The following TAGAP variants were observed in gnomAD, a reference collection of about 807,000 sequenced individuals.
The protein encoded by TAGAP is T-cell activation Rho GTPase-activating protein.
A neutral mutation model predicts 36.0 loss-of-function variants in TAGAP; 16 were observed. That is an observed-to-expected ratio of 0.44 (90% CI 0.30 to 0.68). The LOEUF (loss-of-function observed/expected upper bound fraction) is 0.68, where lower values mean the gene tolerates loss of function less well. Ranked by LOEUF, TAGAP falls within the 30% of genes least tolerant of loss-of-function variation. TAGAP has a pLI of 0.09. For missense variants in TAGAP, 794 were observed against 921.5 expected, an observed-to-expected ratio of 0.86 and a Z score of 1.79; for synonymous variants, 372 against 377.4, an observed-to-expected ratio of 0.99 and a Z score of 0.17.
intron 8 of TAGAP, 138 bp downstream of exon 8, chr6:159,038,976 C>CAA: frequency 6.6e-7 from 1 of 1,516,626 alleles, no homozygotes; most frequent in Non-Finnish European, 8.9e-7. Flanking sequence ...GGAACTATGA[C>CAA]AAAAGCATTT....
intron 8 of TAGAP, chr6:159,038,879 G>A: frequency 7.2e-7 from 1 of 1,387,616 alleles, no homozygotes; most frequent in Non-Finnish European, 9.3e-7. Context: ...AGAGAGTGAT[G>A]TAAATACTCG....
At chr6:159,039,370 C>G (rs1341707205) in intron 7 of TAGAP, 61 bp from the exon 8 acceptor site, 19 of 1,539,532 alleles carry the variant, frequency 1.2e-5, no homozygotes, top group Non-Finnish European at 5.3e-6. Context: ...GTGTAGCAAG[C>G]TGAGAGTTTC....
chr6:159,043,452 G>C, intron 4 of TAGAP, 137 bp downstream of exon 4: 1 of 757,666 alleles, frequency 1.3e-6, no homozygotes, highest in Non-Finnish European at 2.3e-6. Flanking sequence ...GCCATTTAAG[G>C]GTTAATGTTC....
chr6:159,037,814 A>G lies in TAGAP; in HGVS notation c.898+300T>C, dbSNP rs1198601109. The stretch of plus-strand genomic sequence containing the variant: ...ATTGTGATGGAGTCATATCCCATGA[A>G]GTGGAAACAAAAGTTTCTCACTCCA... On this transcript the variant is annotated intron_variant, in intron 9 of 9. Coordinates refer to ENST00000367066, the MANE Select transcript of TAGAP (RefSeq NM_054114.5). This position sits in a 1 kb window ranked among gnomAD's most constrained non-coding sequence, Gnocchi z 5.1. 6.6e-6 allele frequency among the ~76,000 whole-genome samples: 1 copy of G among 152,242 alleles called. No individual in the cohort carries two copies. Among genetic ancestry groups the G allele is most frequent in the Non-Finnish European group, 1.5e-5 (1 of 68,044 alleles).
chr6:159,036,155 A>G lies in TAGAP; in HGVS notation c.1868T>C (p.Met623Thr). 1 of 1,612,748 alleles carries G rather than the reference A, an allele frequency of 6.2e-7. No homozygotes were observed. The highest frequency in any genetic ancestry group is 8.5e-7 in the Non-Finnish European group (1 of 1,179,582). ...QTVGSMTVGS[M>T]RARMLEAHCL... ...GTGCGCCTCCAGCATCCTCGCCCTC[A>G]TGCTCCCCACCGTCATGCTCCCCAC... is the stretch of plus-strand genomic sequence containing the variant. Residue 623 changes from methionine (M) to threonine (T), a missense_variant, in exon 10 of 10, where the codon ATG becomes ACG. Coordinates refer to ENST00000367066, the MANE Select transcript of TAGAP (RefSeq NM_054114.5). The surrounding 1 kb of genome is among the most constrained non-coding windows in gnomAD (Gnocchi z 4.9).
chr6:159,043,492 A>T (rs554042984), intron 4 of TAGAP, 97 bp downstream of exon 4: 1 of 1,156,206 alleles, frequency 8.6e-7, no homozygotes, highest in Admixed American at 1.8e-5. Context: ...ACTTATACAA[A>T]AAAATTCCTA....
In TAGAP at chr6:159,041,936, TG is replaced by T; in HGVS notation, c.315+141del. ...AGATATTCTTCTGACTGCACGCGTA[TG>T]TGGGAGTGCCATGTTGAAGAGTGGA... On this transcript the variant is annotated intron_variant, in intron 5 of 9. Transcript: ENST00000367066. The surrounding 1 kb of genome is among the most constrained non-coding windows in gnomAD (Gnocchi z 4.1). The T allele has an allele frequency of 1.1e-6, 1 of 883,232 alleles. No homozygotes were observed. The highest frequency in any genetic ancestry group is 1.8e-6 in the Non-Finnish European group (1 of 566,348). 54.7% of individuals were successfully genotyped at this position (883,232 alleles called of 1,614,324 possible).
chr6:159,035,780 CA>C lies in TAGAP; in HGVS notation c.*46del. On this transcript the variant is annotated 3_prime_UTR_variant, in exon 10 of 10. Transcript: ENST00000367066. ...TCTACAGGCAGTTCTTTACAAGTCT[CA>C]TATTTACAGATAGCACAAGCTATGG... 2 of 1,528,792 alleles carry C rather than the reference CA, an allele frequency of 1.3e-6. No homozygotes were observed. The highest frequency in any genetic ancestry group is 1.8e-6 in the Non-Finnish European group (2 of 1,131,536). The allele number at this position is 1,528,792 out of a possible 1,614,324, so 94.7% of individuals were successfully genotyped here.
intron 7 of TAGAP, 91 bp downstream of exon 7, chr6:159,040,632 C>G (rs1001690527): frequency 6.6e-6 from 7 of 1,063,408 alleles, no homozygotes; most frequent in Non-Finnish European, 8.7e-6. Context: ...TCTCATGGAA[C>G]AGGGATCATG....
Position 159,038,227 on chromosome 6 carries a change from A to G in TAGAP, c.785T>C (p.Val262Ala), listed in dbSNP as rs1011620196. ...FEAQKDLNNK[V>A]KTLVEFLIDN... ...AATGAGGAATTCCACCAGTGTCTTC[A>G]CCTGTGAGGAAAAGTAAGCAATTTG... Residue 262 changes from valine to alanine, a missense_variant and splice_region_variant, in exon 9 of 10, where the codon GTG becomes GCG. Val to Ala is a moderately conservative substitution (Grantham distance 64). Coordinates refer to ENST00000367066, the MANE Select transcript of TAGAP (RefSeq NM_054114.5). The G allele has an allele frequency of 9.2e-6, 14 of 1,522,762 alleles. No individual in the cohort carries two copies. Among genetic ancestry groups the G allele is most frequent in the Non-Finnish European group, 1.3e-5 (14 of 1,105,710 alleles). The allele number at this position is 1,522,762 out of a possible 1,614,324, so 94.3% of individuals were successfully genotyped here. A position where few individuals can be genotyped will look rare whatever the true frequency, so the allele number is the denominator to read the frequency against.
chr6:159,042,878 A>G (rs1353108175), intron 4 of TAGAP: 1 of 152,594 alleles, frequency 6.6e-6, no homozygotes, highest in Non-Finnish European at 1.5e-5. Context: ...CCTTGAACCT[A>G]GATCTGGCAA....
At chr6:159,040,275 G>T (rs762330895) in intron 7 of TAGAP, among the ~76,000 whole-genome samples, 1 of 152,108 alleles carries the variant, frequency 6.6e-6, no homozygotes, top group Non-Finnish European at 1.5e-5. Flanking sequence ...CAAAACAACT[G>T]CCCCCCACCA....
At position 159,044,120 on chromosome 6, in the gene TAGAP, A is replaced by T; in HGVS notation, c.27T>A (p.Ala9=). The change falls in exon 2 of 10, where the codon GCT becomes GCA. Residue 9 remains alanine (A), a splice_region_variant and synonymous_variant. Transcript: ENST00000367066. ...GAATGAATGTGAGAGGGGCACTCAC[A>T]GCATTGTGGCTGCTTCTCAGCTTCA... The part of the protein sequence containing the change: MKLRSSHN[A]SKTLNANNME... 6.2e-7 allele frequency: 1 copy of T among 1,613,974 alleles called. No homozygotes were observed. The highest frequency in any genetic ancestry group is 8.5e-7 in the Non-Finnish European group (1 of 1,179,994).
chr6:159,036,145 C>G lies in TAGAP; in HGVS notation c.1878G>C (p.Arg626Ser). The change falls in exon 10 of 10, where the codon AGG becomes AGC. Residue 626 changes from arginine (R) to serine (S), a missense_variant. Physicochemically the swap from Arg to Ser is moderately radical, Grantham distance 110 (BLOSUM62 -1). Coordinates refer to ENST00000367066, the MANE Select transcript of TAGAP (RefSeq NM_054114.5). The surrounding 1 kb of genome is among the most constrained non-coding windows in gnomAD (Gnocchi z 4.9). ...GSMTVGSMRARMLEAHCLLPP... is the reference protein window; with the variant it reads ...GSMTVGSMRASMLEAHCLLPP... Reference sequence around the variant, plus strand: ...GTAGGAGGCAGTGCGCCTCCAGCATCCTCGCCCTCATGCTCCCCACCGTCA... The same window carrying G: ...GTAGGAGGCAGTGCGCCTCCAGCATGCTCGCCCTCATGCTCCCCACCGTCA... The G allele has an allele frequency of 6.2e-7, 1 of 1,613,228 alleles. No homozygotes were observed. Among genetic ancestry groups the G allele is most frequent in the Non-Finnish European group, 8.5e-7 (1 of 1,179,660 alleles).
chr6:159,044,141 C>T lies in TAGAP; in HGVS notation c.6G>A (p.Lys2=), dbSNP rs1161534364. The T allele has an allele frequency of 6.2e-7, 1 of 1,613,824 alleles. No homozygotes were observed. Among genetic ancestry groups the T allele is most frequent in the South Asian group, 1.1e-5 (1 of 90,950 alleles). Residue 2 remains lysine (K), a synonymous_variant, in exon 2 of 10, where the codon AAG becomes AAA. Coordinates refer to ENST00000367066, the MANE Select transcript of TAGAP (RefSeq NM_054114.5). M[K]LRSSHNASKT... ...TCACAGCATTGTGGCTGCTTCTCAG[C>T]TTCATCAGTATTGCGGCTGACTGTC...
chr6:159,043,453 G>A, intron 4 of TAGAP, 136 bp downstream of exon 4: 1 of 765,478 alleles, frequency 1.3e-6, no homozygotes. Flanking sequence ...CCATTTAAGG[G>A]TTAATGTTCT....
chr6:159,039,762 C>G (rs1395478177), intron 7 of TAGAP, among the ~76,000 whole-genome samples: 1 of 152,192 alleles, frequency 6.6e-6, no homozygotes, highest in Non-Finnish European at 1.5e-5. Context: ...CACATTTTTA[C>G]AACATTCTGA....
rs1214615575 is a variant in TAGAP, at chr6:159,035,374, C to A, written c.*453G>T. ...TATATAGAGTAATATATAGTTTACTCTGGTATGGAGTAAACTTATACCAGA... is the reference window on the plus strand; with the variant it reads ...TATATAGAGTAATATATAGTTTACTATGGTATGGAGTAAACTTATACCAGA... On this transcript the variant is annotated 3_prime_UTR_variant, in exon 10 of 10. Coordinates refer to ENST00000367066, the MANE Select transcript of TAGAP (RefSeq NM_054114.5). 3 of 156,940 alleles carry A rather than the reference C, an allele frequency of 1.9e-5. No individual in the cohort carries two copies. Among genetic ancestry groups the A allele is most frequent in the Non-Finnish European group, 4.2e-5 (3 of 70,608 alleles). 9.7% of individuals were successfully genotyped at this position (156,940 alleles called of 1,614,324 possible).
At chr6:159,043,902 A>C (rs1779844349) in intron 3 of TAGAP, 76 bp downstream of exon 3, 1 of 1,355,512 alleles carries the variant, frequency 7.4e-7, no homozygotes, top group Non-Finnish European at 1.0e-6. Flanking sequence ...TATTCAACCC[A>C]AATAATATTC....
Sources: allele counts gnomAD v4.1 joint callset (sites outside exome capture counted in the v4.1 genomes callset), GRCh38; gene constraint gnomAD v4.1.1; non-coding constraint Gnocchi (gnomAD v3.1); transcripts MANE v1.5; gene names NCBI Gene and HGNC (gene_info 2026-07-23, HGNC 2026-07-21).